CCDC88A: variants seen among roughly 807,000 people sequenced by gnomAD.
CCDC88A encodes the protein coiled-coil and HOOK domain protein 88A.
A neutral mutation model predicts 234.3 loss-of-function variants in CCDC88A; 54 were observed. That is an observed-to-expected ratio of 0.23 (90% CI 0.19 to 0.29). The LOEUF is 0.29. Among genes scored for constraint, CCDC88A ranks in the 10% least tolerant of loss-of-function variants. The pLI is 1.00. For missense variants in CCDC88A, 1,832 were observed against 2,123.4 expected, an observed-to-expected ratio of 0.86 and a Z score of 2.70; for synonymous variants, 753 against 737.8, an observed-to-expected ratio of 1.02 and a Z score of -0.33.
At chr2:55,347,060 C>T (rs1273024575) in intron 9 of CCDC88A, among the ~76,000 whole-genome samples, 7 of 151,940 alleles carry the variant, frequency 4.6e-5, no homozygotes, top group African/African-American at 1.7e-4. Context: ...GGTAAAAATA[C>T]AGAAAAGGCA....
At chr2:55,367,127 AC>A (rs373313996) in intron 5 of CCDC88A, among the ~76,000 whole-genome samples, 10 of 152,348 alleles carry the variant, frequency 6.6e-5, no homozygotes, top group African/African-American at 1.2e-4. Flanking sequence ...TAAAGACATT[AC>A]GCTAAGTGAA....
At chr2:55,389,499 C>T (rs1172493455) in intron 2 of CCDC88A, among the ~76,000 whole-genome samples, 1 of 152,140 alleles carries the variant, frequency 6.6e-6, no homozygotes, top group Non-Finnish European at 1.5e-5. Context: ...GTCAAGAAAT[C>T]GACACCCATC....
intron 7 of CCDC88A, 101 bp downstream of exon 7, chr2:55,362,207 C>T: frequency 1.1e-6 from 1 of 900,024 alleles, no homozygotes; most frequent in Non-Finnish European, 1.6e-6. Flanking sequence ...CCTGTATCAC[C>T]TGTCTCTAAG....
At chr2:55,312,767 C>A (rs112323513) in intron 22 of CCDC88A, 188 bp from the exon 23 acceptor site, 30 of 469,840 alleles carry the variant, frequency 6.4e-5, no homozygotes, top group African/African-American at 5.0e-4. Context: ...CTGTCTCTCT[C>A]TCTATATAAA....
chr2:55,327,740 G>A (rs1684447458), intron 17 of CCDC88A, among the ~76,000 whole-genome samples: 1 of 152,184 alleles, frequency 6.6e-6, no homozygotes, highest in Non-Finnish European at 1.5e-5. Context: ...GAATGGGAAA[G>A]TCCCTTATAT....
In CCDC88A at chr2:55,302,868, C is replaced by T. The variant is rs115377669; in HGVS notation, c.4471+201G>A. The T allele has an allele frequency of 1.1e-3, 437 of 414,750 alleles. 1 individual carries two copies. Among genetic ancestry groups the T allele is most frequent in the Middle Eastern group, 1.3e-3 (2 of 1,510 alleles). 25.7% of individuals were successfully genotyped at this position (414,750 alleles called of 1,614,324 possible). ...TTACATGTATGACTAGAAATATGCACGTATATGTATCAGTGGACATATACA... is the reference window on the plus strand; with the variant it reads ...TTACATGTATGACTAGAAATATGCATGTATATGTATCAGTGGACATATACA... On this transcript the variant is annotated intron_variant, in intron 26 of 32. Coordinates refer to ENST00000436346, the MANE Select transcript of CCDC88A (RefSeq NM_001365480.1).
At position 55,374,917 on chromosome 2, in the gene CCDC88A, T is replaced by C. The variant is rs775450250; in HGVS notation, c.274-34A>G. ...AAATATCCAACACTTGTTATATGGG[T>C]AATGCTAACTAGATAATTATTCATC... On this transcript the variant is annotated intron_variant, in intron 3 of 32. Coordinates refer to ENST00000436346, the MANE Select transcript of CCDC88A (RefSeq NM_001365480.1). 21 of 1,203,560 alleles carry C rather than the reference T, an allele frequency of 1.7e-5. No homozygotes were observed. In the Admixed American group the frequency reaches 2.9e-4, roughly 17 times the overall value. 74.6% of individuals were successfully genotyped at this position (1,203,560 alleles called of 1,614,324 possible).
intron 22 of CCDC88A, 151 bp from the exon 23 acceptor site, chr2:55,312,730 A>G (rs964965279): frequency 1.4e-5 from 8 of 584,606 alleles, no homozygotes; most frequent in Non-Finnish European, 2.4e-5. Context: ...TATTTTAGTG[A>G]TGACACCTAC....
chr2:55,412,165 A>G (rs1680610681), intron 2 of CCDC88A, among the ~76,000 whole-genome samples: 1 of 152,212 alleles, frequency 6.6e-6, no homozygotes, highest in Admixed American at 6.5e-5. Context: ...CTAGTGATAC[A>G]TGCTAAGTAC....
At chr2:55,401,752 A>G (rs971254043) in intron 2 of CCDC88A, among the ~76,000 whole-genome samples, 3 of 151,760 alleles carry the variant, frequency 2.0e-5, no homozygotes. Flanking sequence ...ACAGCCTTTC[A>G]TGTTTTTGTT....
Position 55,322,681 on chromosome 2 carries a change from AT to A in CCDC88A, c.3008del (p.Asn1003IlefsTer40), listed in dbSNP as rs763821011. ...LRQELKTVKK[N>X]YEALKQRQDE... is the part of the protein sequence containing the mutation. Reference sequence around the variant, plus strand: ...CTTGTCTCTGTTTGAGAGCTTCATAATTTTTTTTCACCTAAAATTTTATTTA... The same window carrying A: ...CTTGTCTCTGTTTGAGAGCTTCATAATTTTTTTCACCTAAAATTTTATTTA... On this transcript the variant is annotated frameshift_variant, in exon 18 of 33. Transcript: ENST00000436346. LOFTEE classifies it high-confidence loss of function. 148 of 1,519,404 alleles carry A rather than the reference AT, an allele frequency of 9.7e-5. No homozygotes were observed. The highest frequency in any genetic ancestry group is 2.5e-4 in the South Asian group (19 of 74,672). The allele number at this position is 1,519,404 out of a possible 1,614,324, so 94.1% of individuals were successfully genotyped here.
At chr2:55,352,003 A>G (rs1280384726) in intron 8 of CCDC88A, among the ~76,000 whole-genome samples, 1 of 152,236 alleles carries the variant, frequency 6.6e-6, no homozygotes, top group East Asian at 1.9e-4. Flanking sequence ...CATTTATACA[A>G]TAAAATGTCC....
chr2:55,389,356 GT>G (rs964215894), intron 2 of CCDC88A, among the ~76,000 whole-genome samples: 2 of 152,164 alleles, frequency 1.3e-5, no homozygotes, highest in African/African-American at 4.8e-5. Context: ...TTTATTTTGG[GT>G]AAAATTGTAG....
At chr2:55,397,214 C>G (rs1180456669) in intron 2 of CCDC88A, 1 of 152,160 alleles carries the variant, frequency 6.6e-6, no homozygotes, top group Non-Finnish European at 1.5e-5. Context: ...CCTGCCTCAG[C>G]CTCCCAAGTA....
chr2:55,299,839 C>T lies in CCDC88A; in HGVS notation c.4825G>A (p.Ala1609Thr). The T allele has an allele frequency of 6.2e-7, 1 of 1,602,724 alleles. No homozygotes were observed. The highest frequency in any genetic ancestry group is 1.1e-5 in the South Asian group (1 of 90,798). The part of the protein sequence containing the change: ...NNNASLHEVK[A>T]GAVNNQSRPQ... ...ATTAATAAATTTACCTACAGCATAC[C>T]TTTGACTTCATGTAGTGAAGCATTA... Residue 1609 changes from alanine to threonine, a missense_variant and splice_region_variant, in exon 29 of 33, where the codon GCA (alanine) becomes ACA (threonine). Around this residue, in one of 6 missense-constraint regions of CCDC88A, gnomAD observed 422 missense variants for 416.5 expected, o/e 1.01. Transcript: ENST00000436346.
In CCDC88A at chr2:55,296,477, T is replaced by C; in HGVS notation, c.4872A>G (p.Gly1624=). 1 of 1,614,238 alleles carries C rather than the reference T, an allele frequency of 6.2e-7. No homozygotes were observed. The highest frequency in any genetic ancestry group is 8.5e-7 in the Non-Finnish European group (1 of 1,180,032). ...CATGGTCATGAAGCAGGCTAAATTC[T>C]CCACTGCTGTGGCTTTGTGGCCTGC... is the stretch of plus-strand genomic sequence containing the variant. ...NQSRPQSHSS[G]EFSLLHDHEA... Residue 1624 remains glycine (G), a synonymous_variant, in exon 30 of 33, where the codon GGA becomes GGG. Transcript: ENST00000436346.
chr2:55,416,516 T>C (rs1323202427), intron 2 of CCDC88A, among the ~76,000 whole-genome samples: 11 of 127,208 alleles, frequency 8.6e-5, no homozygotes, highest in Admixed American at 3.6e-4. Flanking sequence ...GAATAATGAC[T>C]GAAACTTTTC....
chr2:55,419,523 A>AATGAT lies in CCDC88A; in HGVS notation c.-445_-444insATCAT. On this transcript the variant is annotated 5_prime_UTR_variant, in exon 1 of 33. Coordinates refer to ENST00000436346, the MANE Select transcript of CCDC88A (RefSeq NM_001365480.1). ...ACCACGTTAAGGATACCGAGGCGCC[A>AATGAT]CCAGACTCGACCTCGGCGTTCCGAC... 7.5e-6 allele frequency: 1 copy of AATGAT among 133,766 alleles called. No homozygotes were observed. The highest frequency in any genetic ancestry group is 1.7e-5 in the Non-Finnish European group (1 of 60,030). The allele number at this position is 133,766 out of a possible 1,614,324, so 8.3% of individuals were successfully genotyped here.
At chr2:55,312,743 C>G (rs1256234318) in intron 22 of CCDC88A, 164 bp from the exon 23 acceptor site, 1 of 543,764 alleles carries the variant, frequency 1.8e-6, no homozygotes, top group African/African-American at 1.9e-5. Context: ...ACACCTACAG[C>G]ACTGGGTTAC....
Sources: allele counts gnomAD v4.1 joint callset (sites outside exome capture counted in the v4.1 genomes callset), GRCh38; gene constraint gnomAD v4.1.1; regional missense constraint gnomAD v4.1.1; transcripts MANE v1.5; gene names NCBI Gene and HGNC (gene_info 2026-07-23, HGNC 2026-07-21).